MED27: variants seen among roughly 807,000 people sequenced by gnomAD.
MED27 encodes mediator of RNA polymerase II transcription subunit 27.
A neutral mutation model predicts 38.2 loss-of-function variants in MED27; 30 were observed. The observed-to-expected ratio is 0.79, with a 90% CI of 0.59 to 1.07. The LOEUF (loss-of-function observed/expected upper bound fraction) is 1.07. Among genes scored for constraint, MED27 ranks in the 50% least tolerant of loss-of-function variants. MED27 has a pLI of 0.00. For missense variants in MED27, 289 were observed against 397.5 expected (o/e 0.73, Z 2.32); for synonymous variants, 122 against 153.5 (o/e 0.79, Z 1.52).
At chr9:131,909,437 CA>C (rs1274764236) in intron 4 of MED27, among the ~76,000 whole-genome samples, 1 of 152,190 alleles carries the variant, frequency 6.6e-6, no homozygotes, top group Non-Finnish European at 1.5e-5. Flanking sequence ...CTGAGGGGCT[CA>C]AGGGGGCTCT....
chr9:132,034,827 T>C (rs1232358536), intron 2 of MED27, among the ~76,000 whole-genome samples: 1 of 152,204 alleles, frequency 6.6e-6, no homozygotes, highest in African/African-American at 2.4e-5. Context: ...GTCTTCATTA[T>C]AAAACATCAA....
chr9:131,861,536 T>C lies in MED27; in HGVS notation c.802-864A>G, dbSNP rs565392918. Among the ~76,000 whole-genome samples, 17 of 152,320 alleles carry C rather than the reference T, an allele frequency of 1.1e-4. No homozygotes were observed. The highest frequency in any genetic ancestry group is 3.4e-3 in the Middle Eastern group (1 of 294). ...CTTCATGGTGACAGGGCATGGCCCA[T>C]CAGTACTGTCCCCCTTTCCAAAGGC... On this transcript the variant is annotated intron_variant, in intron 7 of 7. Coordinates refer to ENST00000292035, the MANE Select transcript of MED27 (RefSeq NM_004269.4). The surrounding 1 kb of genome is among the most constrained non-coding windows in gnomAD (Gnocchi z 4.4).
At chr9:131,877,139 G>A (rs1838949885) in intron 6 of MED27, among the ~76,000 whole-genome samples, 2 of 152,220 alleles carry the variant, frequency 1.3e-5, no homozygotes, top group South Asian at 4.1e-4. Context: ...CAGGGAATGG[G>A]ACTGAGATCT....
At chr9:131,903,717 T>C (rs1226063157) in intron 4 of MED27, among the ~76,000 whole-genome samples, 1 of 152,110 alleles carries the variant, frequency 6.6e-6, no homozygotes, top group African/African-American at 2.4e-5. Context: ...TGGCAAATAT[T>C]ATCACTGTTG....
intron 2 of MED27, 70 bp from the exon 3 acceptor site, chr9:132,014,537 A>G (rs1832561556): frequency 6.8e-7 from 1 of 1,477,530 alleles, no homozygotes; most frequent in Non-Finnish European, 9.2e-7. Flanking sequence ...ATGGTATTAA[A>G]CTAGCAATGC....
At chr9:131,880,154 T>C (rs1319343919) in intron 6 of MED27, among the ~76,000 whole-genome samples, 1 of 151,826 alleles carries the variant, frequency 6.6e-6, no homozygotes, top group East Asian at 1.9e-4. Flanking sequence ...CTTCGTGCTT[T>C]CTACCGCCAT....
chr9:132,053,898 G>GA lies in MED27; in HGVS notation c.348+23543dup, dbSNP rs1161157911. ...ATATATTTATTGTAACATGTATTGG[G>GA]AAAAAATATATATAAATTATATATA... On this transcript the variant is annotated intron_variant, in intron 2 of 7. Coordinates refer to ENST00000292035, the MANE Select transcript of MED27 (RefSeq NM_004269.4). Among the ~76,000 whole-genome samples the GA allele has an allele frequency of 2.5e-4, 38 of 151,034 alleles. No individual in the cohort carries two copies. The East Asian group carries it at 7.2e-3, about 29-fold the overall frequency.
chr9:132,046,436 A>G (rs1417348661), intron 2 of MED27, among the ~76,000 whole-genome samples: 1 of 152,246 alleles, frequency 6.6e-6, no homozygotes, highest in African/African-American at 2.4e-5. Context: ...AGTCTTTAAA[A>G]AAAAAAAATC....
At chr9:132,026,316 G>A (rs1832817586) in intron 2 of MED27, among the ~76,000 whole-genome samples, 1 of 152,162 alleles carries the variant, frequency 6.6e-6, no homozygotes. Context: ...GTGTCCTTTT[G>A]GTCCTCAATA....
intron 5 of MED27, among the ~76,000 whole-genome samples, chr9:131,888,038 T>A (rs964551510): frequency 6.6e-6 from 1 of 151,698 alleles, no homozygotes; most frequent in African/African-American, 2.4e-5. Context: ...GAAGAACTGG[T>A]GAAAATGGTG....
intron 2 of MED27, among the ~76,000 whole-genome samples, chr9:132,072,999 C>G (rs958895472): frequency 6.6e-6 from 1 of 152,120 alleles, no homozygotes; most frequent in African/African-American, 2.4e-5. Context: ...ACAGCCGCCA[C>G]AGAACACCTG....
In MED27 at chr9:131,956,892, G is replaced by A. The variant is rs138529692; in HGVS notation, c.480-17418C>T. Among the ~76,000 whole-genome samples the A allele has an allele frequency of 2.1e-3, 319 of 151,186 alleles. 2 individuals are homozygous for A. Among genetic ancestry groups the A allele is most frequent in the Non-Finnish European group, 3.7e-3 (248 of 67,882 alleles). ...TAGAAGAGGGCAAAAGATCTGAACAGATACTTACTTTGTAACAAGGACATG... is the reference window on the plus strand; with the variant it reads ...TAGAAGAGGGCAAAAGATCTGAACAAATACTTACTTTGTAACAAGGACATG... On this transcript the variant is annotated intron_variant, in intron 3 of 7. Coordinates refer to ENST00000292035, the MANE Select transcript of MED27 (RefSeq NM_004269.4).
At chr9:132,039,782 C>A (rs1833167859) in intron 2 of MED27, among the ~76,000 whole-genome samples, 1 of 152,150 alleles carries the variant, frequency 6.6e-6, no homozygotes, top group African/African-American at 2.4e-5. Flanking sequence ...TCAGTGCTGG[C>A]CCTGGGGAGA....
intron 6 of MED27, among the ~76,000 whole-genome samples, chr9:131,879,893 T>G (rs1299129152): frequency 2.0e-5 from 3 of 152,168 alleles, no homozygotes; most frequent in Non-Finnish European, 4.4e-5. Context: ...GAATAGCAAA[T>G]CCTAAAAAGC....
At chr9:132,077,739 C>CT (rs1834084221) in intron 1 of MED27, among the ~76,000 whole-genome samples, 153 bp from the exon 2 acceptor site, 1 of 150,216 alleles carries the variant, frequency 6.7e-6, no homozygotes. Context: ...ACTTGGGACA[C>CT]TTAAAAAAAA....
chr9:131,956,941 C>G (rs1831116962), intron 3 of MED27, among the ~76,000 whole-genome samples: 1 of 151,884 alleles, frequency 6.6e-6, no homozygotes, highest in African/African-American at 2.4e-5. Context: ...CAGTAAGCAC[C>G]TAAAAGGAGG....
At position 131,974,465 on chromosome 9, in the gene MED27, A is replaced by C. The variant is rs557360684; in HGVS notation, c.480-34991T>G. ...ACTGAACTTTTAATGATCCCAGGAC[A>C]CTGGGGATGTGTGATTATATCTGAC... On this transcript the variant is annotated intron_variant, in intron 3 of 7. Transcript: ENST00000292035. Among the ~76,000 whole-genome samples, 3 of 152,330 alleles carry C rather than the reference A, an allele frequency of 2.0e-5. No individual in the cohort carries two copies. The East Asian group carries it at 5.8e-4, about 29-fold the overall frequency.
intron 6 of MED27, among the ~76,000 whole-genome samples, chr9:131,875,555 G>A (rs1000433733): frequency 1.1e-4 from 17 of 152,238 alleles, no homozygotes; most frequent in Middle Eastern, 3.2e-3. Context: ...AACTTTCTCA[G>A]GACAAGAGAG....
chr9:131,986,151 C>T (rs941472731), intron 3 of MED27, among the ~76,000 whole-genome samples: 3 of 152,170 alleles, frequency 2.0e-5, no homozygotes, highest in Non-Finnish European at 2.9e-5. Context: ...TAATTTATTA[C>T]GGAAGAAAAA....
Sources: allele counts gnomAD v4.1 joint callset (sites outside exome capture counted in the v4.1 genomes callset), GRCh38; gene constraint gnomAD v4.1.1; non-coding constraint Gnocchi (gnomAD v3.1); transcripts MANE v1.5; gene names NCBI Gene and HGNC (gene_info 2026-07-23, HGNC 2026-07-21).